Variants in TBC1D1 observed in about 807,000 individuals in gnomAD.
TBC1D1 encodes the protein TBC1 domain family member 1.
In TBC1D1, 89 loss-of-function variants were observed where a neutral mutation model predicts 125.6. That is an observed-to-expected ratio of 0.71 (90% CI 0.60 to 0.85). The LOEUF (loss-of-function observed/expected upper bound fraction) is 0.85, where lower values mean the gene tolerates loss of function less well. Ranked by LOEUF, TBC1D1 falls within the 40% of genes least tolerant of loss-of-function variation. The pLI, the probability that TBC1D1 is intolerant of heterozygous loss-of-function variation, is 0.00. For synonymous variants in TBC1D1, 565 were observed against 564.1 expected, an observed-to-expected ratio of 1.00 and a Z score of -0.02; for missense variants, 1,377 against 1,469.2, an observed-to-expected ratio of 0.94 and a Z score of 1.03.
chr4:38,070,347 A>G (rs563126726), intron 12 of TBC1D1, among the ~76,000 whole-genome samples: 2 of 152,366 alleles, frequency 1.3e-5, no homozygotes, highest in South Asian at 2.1e-4. Context: ...GTGGCTGACT[A>G]CACAACCAAA....
intron 12 of TBC1D1, among the ~76,000 whole-genome samples, chr4:38,058,262 G>A (rs78743576): frequency 0.01 from 1,551 of 152,280 alleles, 25 homozygotes; most frequent in African/African-American, 0.036. Flanking sequence ...GATGCACGAT[G>A]CCAGAGCCCT....
chr4:38,121,428 G>A (rs991779103), intron 17 of TBC1D1, among the ~76,000 whole-genome samples: 4 of 152,172 alleles, frequency 2.6e-5, no homozygotes, highest in East Asian at 1.9e-4. Context: ...TGTTCCCAGC[G>A]AATACAGTGC....
chr4:38,131,870 T>G (rs1180656373), intron 18 of TBC1D1, among the ~76,000 whole-genome samples: 1 of 152,190 alleles, frequency 6.6e-6, no homozygotes, highest in Non-Finnish European at 1.5e-5. Flanking sequence ...ATAATGGATT[T>G]TAGTTTTTAG....
intron 12 of TBC1D1, among the ~76,000 whole-genome samples, chr4:38,068,317 G>A (rs115806760): frequency 0.018 from 2,711 of 152,298 alleles, 47 homozygotes; most frequent in Non-Finnish European, 0.022. Context: ...GAATGTTCTA[G>A]CATTCCCTGG....
chr4:37,895,552 A>G (rs1446465257), intron 1 of TBC1D1, among the ~76,000 whole-genome samples: 3 of 152,112 alleles, frequency 2.0e-5, no homozygotes, highest in African/African-American at 4.8e-5. Context: ...AAAAATACAA[A>G]GATCAGCCGG....
chr4:38,115,924 A>T lies in TBC1D1; in HGVS notation c.2772A>T (p.Lys924Asn), dbSNP rs752999888. 1.2e-6 allele frequency: 2 copies of T among 1,614,196 alleles called. No individual in the cohort carries two copies. Among genetic ancestry groups the T allele is most frequent in the South Asian group, 2.2e-5 (2 of 91,086 alleles). Residue 924 changes from lysine to asparagine, a missense_variant, in exon 16 of 20, where the codon AAA becomes AAT. Around this residue, in one of 3 missense-constraint regions of TBC1D1, gnomAD observed 543 missense variants for 613.5 expected, o/e 0.89. Transcript: ENST00000261439. ...TGATGTTTGACATGGGGCTGCGGAA[A>T]CAGTATCGGCCAGACATGATTATTT...
At chr4:38,090,325 A>T (rs1758220022) in intron 13 of TBC1D1, among the ~76,000 whole-genome samples, 1 of 152,226 alleles carries the variant, frequency 6.6e-6, no homozygotes, top group African/African-American at 2.4e-5. Context: ...AATATTCATT[A>T]TTCCTCTATG....
chr4:38,070,944 G>A (rs1754605250), intron 12 of TBC1D1, among the ~76,000 whole-genome samples: 1 of 152,196 alleles, frequency 6.6e-6, no homozygotes, highest in Non-Finnish European at 1.5e-5. Context: ...ATTCAGATTT[G>A]TTGGAAATGG....
At chr4:38,013,797 T>A (rs919000875) in intron 2 of TBC1D1, among the ~76,000 whole-genome samples, 17 of 152,162 alleles carry the variant, frequency 1.1e-4, no homozygotes, top group Admixed American at 3.9e-4. Flanking sequence ...AGCTTTATAG[T>A]CTCCATGTGA....
chr4:38,097,998 C>T (rs917614539), intron 14 of TBC1D1, among the ~76,000 whole-genome samples: 1 of 152,220 alleles, frequency 6.6e-6, no homozygotes, highest in South Asian at 2.1e-4. Context: ...TTCACACCAC[C>T]GTACTGCACT....
chr4:38,093,519 T>TC (rs1553935738), intron 13 of TBC1D1, among the ~76,000 whole-genome samples: 127 of 145,796 alleles, frequency 8.7e-4, no homozygotes, highest in African/African-American at 1.2e-3. Flanking sequence ...AAGGCCGTTT[T>TC]CCCCCCCCTT....
At chr4:37,988,152 C>G (rs1477607661) in intron 2 of TBC1D1, among the ~76,000 whole-genome samples, 1 of 152,200 alleles carries the variant, frequency 6.6e-6, no homozygotes, top group Non-Finnish European at 1.5e-5. Context: ...ATGAACTTGT[C>G]TAGGAACAGC....
Position 37,966,259 on chromosome 4 carries a change from A to C in TBC1D1, c.418-48250A>C, listed in dbSNP as rs142016769. ...CCTGGGCTGCCTCACACAGAGAAAG[A>C]CTCCACAAATCCATGTGCAAATTGA... is the stretch of plus-strand genomic sequence containing the variant. On this transcript the variant is annotated intron_variant, in intron 2 of 19. Coordinates refer to ENST00000261439, the MANE Select transcript of TBC1D1 (RefSeq NM_015173.4). 1.7e-3 allele frequency among the ~76,000 whole-genome samples: 262 copies of C among 152,150 alleles called. 1 individual carries two copies. Among genetic ancestry groups the C allele is most frequent in the South Asian group, 7.9e-3 (38 of 4,814 alleles).
At chr4:38,104,759 T>TC (rs1760981110) in intron 15 of TBC1D1, among the ~76,000 whole-genome samples, 1 of 151,436 alleles carries the variant, frequency 6.6e-6, no homozygotes, top group Non-Finnish European at 1.5e-5. Flanking sequence ...ATTTTTTTTT[T>TC]TAATTTTTTT....
intron 2 of TBC1D1, among the ~76,000 whole-genome samples, chr4:37,918,360 T>C (rs1481708092): frequency 6.6e-6 from 1 of 152,164 alleles, no homozygotes; most frequent in Non-Finnish European, 1.5e-5. Flanking sequence ...TTATGCTAAA[T>C]ACGATTTTAG....
chr4:38,089,115 G>A (rs1044988446), intron 12 of TBC1D1, among the ~76,000 whole-genome samples: 1 of 152,162 alleles, frequency 6.6e-6, no homozygotes, highest in Non-Finnish European at 1.5e-5. Flanking sequence ...GGTATGTAGT[G>A]GGAACAAATG....
At chr4:37,920,502 T>C (rs1720726166) in intron 2 of TBC1D1, among the ~76,000 whole-genome samples, 2 of 152,082 alleles carry the variant, frequency 1.3e-5, no homozygotes, top group East Asian at 1.9e-4. Context: ...CTGCCTGAGA[T>C]GGGAAATAGG....
At chr4:38,051,405 T>C (rs1232139154) in intron 11 of TBC1D1, among the ~76,000 whole-genome samples, 1 of 152,152 alleles carries the variant, frequency 6.6e-6, no homozygotes, top group African/African-American at 2.4e-5. Flanking sequence ...AAAGTTCAGT[T>C]TTTTTTTGCT....
chr4:38,026,522 G>A (rs1183118539), intron 6 of TBC1D1, among the ~76,000 whole-genome samples: 4 of 152,244 alleles, frequency 2.6e-5, no homozygotes, highest in African/African-American at 9.6e-5. Context: ...CTCGCACACT[G>A]TTCTCCAGCC....
Sources: gnomAD v4.1 joint callset for allele counts (sites outside exome capture counted in the v4.1 genomes callset) on GRCh38, gnomAD v4.1.1 for gene constraint, gnomAD v4.1.1 regional missense constraint, MANE v1.5 for transcripts, NCBI Gene and HGNC (gene_info 2026-07-23, HGNC 2026-07-21) for gene names.